Variants in TENM3 observed in about 807,000 individuals in gnomAD.
TENM3 encodes the protein teneurin-3.
TENM3 carries 63 observed loss-of-function variants against 255.1 expected under a neutral mutation model. The ratio of observed to expected loss-of-function variants is 0.25; its 90% CI spans 0.20 to 0.30. The LOEUF is 0.30. TENM3 is among the 10% of genes least tolerant of loss of function. The probability of loss-of-function intolerance (pLI) is 1.00; values close to 1 mark genes in which losing one functional copy is unlikely to be tolerated. For synonymous variants in TENM3, 1,306 were observed against 1,322.3 expected (o/e 0.99, Z 0.27); for missense variants, 2,929 against 3,461.1 (o/e 0.85, Z 3.86).
At chr4:182,247,104 A>G (rs1162188200) in intron 1 of TENM3, among the ~76,000 whole-genome samples, 2 of 152,232 alleles carry the variant, frequency 1.3e-5, no homozygotes, top group Non-Finnish European at 2.9e-5. Context: ...ACAGAAAAAT[A>G]TGAGTCGAGC....
chr4:182,123,121 T>C, the TENM3 span, among the ~76,000 whole-genome samples: 1 of 152,232 alleles, frequency 6.6e-6, no homozygotes, highest in Non-Finnish European at 1.5e-5. Context: ...GACTAGGCTT[T>C]GGCTTAAGGG....
chr4:182,072,806 A>G, the TENM3 span, among the ~76,000 whole-genome samples: 23 of 152,286 alleles, frequency 1.5e-4, no homozygotes, highest in Admixed American at 2.6e-4. Flanking sequence ...CTTCATGCCA[A>G]TCCTCTAAGA....
chr4:181,825,373 C>G, the TENM3 span, among the ~76,000 whole-genome samples: 1 of 127,716 alleles, frequency 7.8e-6, no homozygotes, highest in Non-Finnish European at 1.5e-5. Flanking sequence ...TGCACTTCAG[C>G]CTGGGTGATA....
At chr4:182,770,795 C>T (rs903644563) in intron 22 of TENM3, among the ~76,000 whole-genome samples, 28 of 152,176 alleles carry the variant, frequency 1.8e-4, no homozygotes, top group African/African-American at 3.4e-4. Context: ...TTAGCTTGCA[C>T]GGAAAGGCTG....
At chr4:182,419,783 C>T (rs1204849139) in intron 3 of TENM3, among the ~76,000 whole-genome samples, 1 of 151,574 alleles carries the variant, frequency 6.6e-6, no homozygotes, top group African/African-American at 2.4e-5. Context: ...GAAAACCAAA[C>T]ACCGCATGTT....
At chr4:181,892,189 A>C in the TENM3 span, among the ~76,000 whole-genome samples, 71 of 152,176 alleles carry the variant, frequency 4.7e-4, no homozygotes, top group Admixed American at 1.1e-3. Context: ...TACTTCAATG[A>C]ATGTCTCCTT....
At chr4:181,766,590 T>C in the TENM3 span, among the ~76,000 whole-genome samples, 21 of 151,662 alleles carry the variant, frequency 1.4e-4, no homozygotes, top group Non-Finnish European at 1.9e-4. Context: ...AGGAGTTAAA[T>C]GGAAATATGT....
At chr4:182,211,042 G>A (rs920702207) in intron 1 of TENM3, among the ~76,000 whole-genome samples, 3 of 152,080 alleles carry the variant, frequency 2.0e-5, no homozygotes, top group African/African-American at 7.2e-5. Flanking sequence ...TACCCTTGTC[G>A]CTGTCCCTCA....
chr4:181,947,944 A>C, the TENM3 span, among the ~76,000 whole-genome samples: 1 of 152,238 alleles, frequency 6.6e-6, no homozygotes, highest in African/African-American at 2.4e-5. Flanking sequence ...GGCTTTCAAT[A>C]TTTCTAGTAT....
rs141056902 is a variant in TENM3, at chr4:182,201,686, G to A, written c.-76+56932G>A. Reference sequence around the variant, plus strand: ...CATGGCAGGGTGGGGGGTCTGGAAAGGCAAGCAGAGCTACTGGAAGCCCCC... The same window carrying A: ...CATGGCAGGGTGGGGGGTCTGGAAAAGCAAGCAGAGCTACTGGAAGCCCCC... On this transcript the variant is annotated intron_variant, in intron 1 of 2. Transcript: ENST00000512480. 3.4e-3 allele frequency among the ~76,000 whole-genome samples: 510 copies of A among 152,236 alleles called. 2 individuals carry two copies. Among genetic ancestry groups the A allele is most frequent in the African/African-American group, 0.011 (459 of 41,534 alleles).
At chr4:181,752,897 C>T in the TENM3 span, among the ~76,000 whole-genome samples, 3 of 151,612 alleles carry the variant, frequency 2.0e-5, no homozygotes, top group Non-Finnish European at 2.9e-5. Flanking sequence ...TAATAACTGA[C>T]GAGACTTATC....
At chr4:182,647,859 G>A (rs1438462650) in intron 5 of TENM3, among the ~76,000 whole-genome samples, 1 of 152,118 alleles carries the variant, frequency 6.6e-6, no homozygotes, top group South Asian at 2.1e-4. Flanking sequence ...AGCACACAAG[G>A]GTTTCCATTT....
At chr4:182,012,176 A>G in the TENM3 span, among the ~76,000 whole-genome samples, 18 of 152,196 alleles carry the variant, frequency 1.2e-4, no homozygotes, top group Non-Finnish European at 2.6e-4. Flanking sequence ...TGTGAGCATA[A>G]CAAATGGTTA....
intron 3 of TENM3, among the ~76,000 whole-genome samples, chr4:182,384,807 T>A (rs1275215528): frequency 6.6e-6 from 1 of 152,102 alleles, no homozygotes; most frequent in Non-Finnish European, 1.5e-5. Context: ...TCCCCCTTTA[T>A]TCCCTCTTGC....
At chr4:182,210,606 T>C (rs1172566143) in intron 1 of TENM3, among the ~76,000 whole-genome samples, 1 of 144,564 alleles carries the variant, frequency 6.9e-6, no homozygotes, top group East Asian at 2.1e-4. Flanking sequence ...GCCTCCATTT[T>C]CCCCCTCTCT....
the TENM3 span, among the ~76,000 whole-genome samples, chr4:181,979,867 T>C: frequency 6.6e-6 from 1 of 152,146 alleles, no homozygotes; most frequent in Non-Finnish European, 1.5e-5. Context: ...GTTTGTTTGT[T>C]TGTTCGTTTT....
chr4:182,254,749 T>C lies in TENM3; in HGVS notation c.-76+11273T>C, dbSNP rs558114057. Among the ~76,000 whole-genome samples the C allele has an allele frequency of 7.9e-5, 12 of 152,320 alleles. 1 individual carries two copies. In the South Asian group the frequency reaches 2.3e-3, roughly 29 times the overall value. Reference sequence around the variant, plus strand: ...GAACTTTTGGATGGCAGTTATCATATTGTGTGATATGTCCTCAGTTTCAGA... The same window carrying C: ...GAACTTTTGGATGGCAGTTATCATACTGTGTGATATGTCCTCAGTTTCAGA... On this transcript the variant is annotated intron_variant, in intron 1 of 27. Coordinates refer to ENST00000511685, the MANE Select transcript of TENM3 (RefSeq NM_001080477.4).
chr4:181,450,380 A>G, the TENM3 span, among the ~76,000 whole-genome samples: 1 of 152,184 alleles, frequency 6.6e-6, no homozygotes, highest in Admixed American at 6.5e-5. Context: ...CATTGCAAAC[A>G]CTTTCAGTGT....
At chr4:182,639,982 C>T (rs960292677) in intron 5 of TENM3, among the ~76,000 whole-genome samples, 2 of 152,058 alleles carry the variant, frequency 1.3e-5, no homozygotes, top group Non-Finnish European at 2.9e-5. Flanking sequence ...CCCAGCTACT[C>T]GGGAGGCTGA....
Sources: gnomAD v4.1 joint callset for allele counts (sites outside exome capture counted in the v4.1 genomes callset) on GRCh38, gnomAD v4.1.1 for gene constraint, MANE v1.5 for transcripts, NCBI Gene and HGNC (gene_info 2026-07-23, HGNC 2026-07-21) for gene names.